NKAIN2: variants seen among roughly 807,000 people sequenced by gnomAD.
NKAIN2 encodes the protein sodium/potassium-transporting ATPase subunit beta-1-interacting protein 2.
In NKAIN2, 14 loss-of-function variants were observed where a neutral mutation model predicts 32.6. That is an observed-to-expected ratio of 0.43 (90% CI 0.28 to 0.67). The LOEUF (loss-of-function observed/expected upper bound fraction) is 0.67, where lower values mean the gene tolerates loss of function less well. NKAIN2 is among the 30% of genes least tolerant of loss of function. The pLI is 0.17. For missense variants in NKAIN2, 198 were observed against 258.3 expected, an observed-to-expected ratio of 0.77 and a Z score of 1.60; for synonymous variants, 80 against 87.2, an observed-to-expected ratio of 0.92 and a Z score of 0.46.
chr6:124,090,999 C>A (rs532696475), intron 1 of NKAIN2, among the ~76,000 whole-genome samples: 1 of 152,040 alleles, frequency 6.6e-6, no homozygotes, highest in African/African-American at 2.4e-5. Flanking sequence ...CCCTTTAAAT[C>A]TGTCATAACA....
At chr6:124,186,804 C>T (rs1789764177) in intron 1 of NKAIN2, among the ~76,000 whole-genome samples, 1 of 152,152 alleles carries the variant, frequency 6.6e-6, no homozygotes, top group African/African-American at 2.4e-5. Context: ...GTTTACCTCT[C>T]TGTGAAAACA....
intron 1 of NKAIN2, among the ~76,000 whole-genome samples, chr6:123,894,905 T>C (rs2114388920): frequency 6.6e-6 from 1 of 152,106 alleles, no homozygotes; most frequent in African/African-American, 2.4e-5. Context: ...TCAGGCTAAA[T>C]TGATTGAAAG....
At chr6:124,790,570 T>A (rs1049594565) in intron 4 of NKAIN2, among the ~76,000 whole-genome samples, 1 of 152,126 alleles carries the variant, frequency 6.6e-6, no homozygotes, top group Non-Finnish European at 1.5e-5. Flanking sequence ...ATTATCCAGA[T>A]ATTATATTTG....
At chr6:124,129,909 C>A (rs1349332985) in intron 1 of NKAIN2, among the ~76,000 whole-genome samples, 1 of 152,278 alleles carries the variant, frequency 6.6e-6, no homozygotes, top group South Asian at 2.1e-4. Flanking sequence ...TGAGCCACCC[C>A]ACCTGGCACT....
chr6:124,752,712 C>G (rs1777780553), intron 4 of NKAIN2, among the ~76,000 whole-genome samples: 1 of 152,004 alleles, frequency 6.6e-6, no homozygotes, highest in East Asian at 1.9e-4. Context: ...AGGCACACTT[C>G]TATGCTCATT....
chr6:124,363,197 T>C, intron 3 of NKAIN2, among the ~76,000 whole-genome samples: 1 of 152,158 alleles, frequency 6.6e-6, no homozygotes, highest in South Asian at 2.1e-4. Flanking sequence ...GCAAGAAATA[T>C]ATGTTTGTAT....
intron 4 of NKAIN2, among the ~76,000 whole-genome samples, chr6:124,776,517 C>T (rs1003377100): frequency 9.9e-5 from 15 of 152,090 alleles, no homozygotes; most frequent in African/African-American, 3.6e-4. Flanking sequence ...TGTAGTCTAC[C>T]TAATTCCAAA....
chr6:124,621,503 A>G (rs559960987), intron 3 of NKAIN2, among the ~76,000 whole-genome samples: 1 of 152,154 alleles, frequency 6.6e-6, no homozygotes, highest in African/African-American at 2.4e-5. Flanking sequence ...GCAACTCCAG[A>G]CCCTACATTC....
intron 1 of NKAIN2, among the ~76,000 whole-genome samples, chr6:124,225,944 G>A (rs952950071): frequency 2.0e-5 from 3 of 151,928 alleles, no homozygotes; most frequent in Non-Finnish European, 2.9e-5. Flanking sequence ...TTTTTGCAAA[G>A]GCCATTTATT....
intron 3 of NKAIN2, chr6:124,437,891 T>TTTTC (rs1491474362): frequency 2.4e-6 from 1 of 408,712 alleles, no homozygotes; most frequent in African/African-American, 2.3e-5. Context: ...TTTTTTTTTT[T>TTTTC]CTTAACCCCA....
At chr6:124,025,066 C>G (rs1489352041) in intron 1 of NKAIN2, among the ~76,000 whole-genome samples, 1 of 151,988 alleles carries the variant, frequency 6.6e-6, no homozygotes, top group Non-Finnish European at 1.5e-5. Context: ...CATTGTATAA[C>G]TAGTCCATGC....
At chr6:124,232,154 G>A (rs970787244) in intron 1 of NKAIN2, among the ~76,000 whole-genome samples, 3 of 152,050 alleles carry the variant, frequency 2.0e-5, no homozygotes, top group African/African-American at 4.8e-5. Context: ...TGCCAACCAC[G>A]GGGATTCTAA....
intron 1 of NKAIN2, among the ~76,000 whole-genome samples, chr6:123,933,523 A>T: frequency 6.6e-6 from 1 of 152,232 alleles, no homozygotes; most frequent in Non-Finnish European, 1.5e-5. Context: ...ACAGATGAAT[A>T]AAGAAGACTG....
In NKAIN2 at chr6:124,791,648, C is replaced by G. The variant is rs368928347; in HGVS notation, c.535+249C>G. Among the ~76,000 whole-genome samples, 18 of 152,214 alleles carry G rather than the reference C, an allele frequency of 1.2e-4. No individual in the cohort carries two copies. The East Asian group carries it at 2.1e-3, about 18-fold the overall frequency. On this transcript the variant is annotated intron_variant, in intron 5 of 6. Coordinates refer to ENST00000368417, the MANE Select transcript of NKAIN2 (RefSeq NM_001040214.3). ...GAAAACCTTTTAAAAATCATTTCCT[C>G]TTATAAACAATTCTAGTAGGGAACA...
chr6:123,971,913 T>C (rs149712539), intron 1 of NKAIN2, among the ~76,000 whole-genome samples: 1,868 of 152,234 alleles, frequency 0.012, 20 homozygotes, highest in Non-Finnish European at 0.018. Context: ...TAAAATACAA[T>C]TGGCCTTTGA....
chr6:124,011,010 T>G (rs1780297915), intron 1 of NKAIN2, among the ~76,000 whole-genome samples: 3 of 152,202 alleles, frequency 2.0e-5, no homozygotes, highest in Non-Finnish European at 2.9e-5. Flanking sequence ...TCCACTTTTT[T>G]TTCTTTAACT....
intron 3 of NKAIN2, among the ~76,000 whole-genome samples, chr6:124,361,686 A>G (rs1453805458): frequency 6.6e-6 from 1 of 152,126 alleles, no homozygotes; most frequent in Non-Finnish European, 1.5e-5. Flanking sequence ...AATTTGTTAT[A>G]TAAAAAAGTC....
intron 4 of NKAIN2, among the ~76,000 whole-genome samples, chr6:124,667,053 C>A (rs541998153): frequency 6.6e-6 from 1 of 152,102 alleles, no homozygotes; most frequent in Non-Finnish European, 1.5e-5. Context: ...ACTTACTCCC[C>A]AGATAGAACT....
chr6:123,975,816 A>G (rs1424356656), intron 1 of NKAIN2, among the ~76,000 whole-genome samples: 3 of 151,946 alleles, frequency 2.0e-5, no homozygotes, highest in Non-Finnish European at 2.9e-5. Context: ...CGTAATATCA[A>G]TAATCAGGTT....
Sources: allele counts gnomAD v4.1 joint callset (sites outside exome capture counted in the v4.1 genomes callset), GRCh38; gene constraint gnomAD v4.1.1; transcripts MANE v1.5; gene names NCBI Gene and HGNC (gene_info 2026-07-23, HGNC 2026-07-21).